Variants in ZNF469 observed in about 807,000 individuals in gnomAD.
ZNF469 encodes the protein zinc finger protein 469.
In ZNF469, 1 loss-of-function variant was observed where a neutral mutation model predicts 1.0. That is an observed-to-expected ratio of 1.00 (90% CI 0.35 to 4.73). The LOEUF (loss-of-function observed/expected upper bound fraction) is 4.73. Ranked by LOEUF, ZNF469 falls within the 30% of genes most tolerant of loss-of-function variation. The pLI is 0.16. For synonymous variants in ZNF469, 2,703 were observed against 2,363.4 expected (o/e 1.14, Z -4.17); for missense variants, 6,100 against 5,356.3 (o/e 1.14, Z -4.33).
the ZNF469 span, among the ~76,000 whole-genome samples, chr16:88,256,038 G>A: frequency 2.0e-5 from 3 of 152,320 alleles, no homozygotes; most frequent in East Asian, 1.9e-4. Context: ...ACTTTAAAAC[G>A]GTGGTACTTG....
chr16:88,117,572 A>G, the ZNF469 span, among the ~76,000 whole-genome samples: 16 of 17,694 alleles, frequency 9.0e-4, no homozygotes, highest in South Asian at 3.3e-3. Flanking sequence ...ACGTGCCTTC[A>G]CGGACCGTGG....
chr16:88,363,874 T>A, the ZNF469 span, among the ~76,000 whole-genome samples: 79 of 152,152 alleles, frequency 5.2e-4, no homozygotes, highest in African/African-American at 1.8e-3. Flanking sequence ...AGTTATTACC[T>A]GCATGCAGGC....
chr16:88,247,520 GT>G, the ZNF469 span, among the ~76,000 whole-genome samples: 2 of 139,070 alleles, frequency 1.4e-5, no homozygotes, highest in African/African-American at 2.4e-5. Context: ...GAGTGAGTGA[GT>G]GAATGAGTGA....
the ZNF469 span, among the ~76,000 whole-genome samples, chr16:88,345,457 C>T: frequency 8.3e-4 from 126 of 152,328 alleles, no homozygotes; most frequent in African/African-American, 1.6e-3. Context: ...TGGCTACACA[C>T]GCAAACGTTG....
the ZNF469 span, among the ~76,000 whole-genome samples, chr16:88,204,077 G>C: frequency 7.5e-6 from 1 of 134,008 alleles, no homozygotes; most frequent in South Asian, 2.8e-4. Flanking sequence ...GAGGTGCCCG[G>C]TAACCCCATA....
chr16:88,321,343 T>G, the ZNF469 span, among the ~76,000 whole-genome samples: 2 of 152,402 alleles, frequency 1.3e-5, no homozygotes, highest in African/African-American at 4.8e-5. Context: ...CGTAAGGCCT[T>G]GCCTGATTGG....
At chr16:88,166,329 A>G in the ZNF469 span, among the ~76,000 whole-genome samples, 5 of 152,234 alleles carry the variant, frequency 3.3e-5, no homozygotes, top group African/African-American at 1.2e-4. This position sits in a 1 kb window ranked among gnomAD's most constrained non-coding sequence, Gnocchi z 4.5. Flanking sequence ...GATCCATTTC[A>G]GAAAACAACT....
chr16:88,176,636 A>T, the ZNF469 span, among the ~76,000 whole-genome samples: 1 of 152,238 alleles, frequency 6.6e-6, no homozygotes, highest in Non-Finnish European at 1.5e-5. Flanking sequence ...TATGAAAAAA[A>T]AAATGAAGGT....
intron 1 of ZNF469, among the ~76,000 whole-genome samples, chr16:88,389,704 G>C (rs1221264592): frequency 1.3e-5 from 2 of 152,200 alleles, no homozygotes; most frequent in African/African-American, 2.4e-5. Context: ...CTGGGAATGG[G>C]GCCAGGATTC....
At chr16:88,357,900 G>A in the ZNF469 span, among the ~76,000 whole-genome samples, 4 of 152,234 alleles carry the variant, frequency 2.6e-5, no homozygotes, top group Admixed American at 2.6e-4. Context: ...AGGACGGAGC[G>A]GAAACAAGAA....
At chr16:88,364,276 T>G in the ZNF469 span, among the ~76,000 whole-genome samples, 584 of 152,312 alleles carry the variant, frequency 3.8e-3, 7 homozygotes, top group African/African-American at 0.013. Flanking sequence ...TGACTGCATA[T>G]GTACAGATTT....
At chr16:88,183,842 C>CT in the ZNF469 span, among the ~76,000 whole-genome samples, 1 of 152,188 alleles carries the variant, frequency 6.6e-6, no homozygotes. Flanking sequence ...GGAGACCCTG[C>CT]TGGGCCCACC....
At chr16:88,283,959 C>CGG in the ZNF469 span, among the ~76,000 whole-genome samples, 44 of 42,014 alleles carry the variant, frequency 1.0e-3, 3 homozygotes, top group African/African-American at 3.3e-3. Flanking sequence ...CCAGTGTGCC[C>CGG]AAGGTCTGTG....
At chr16:88,270,718 T>A in the ZNF469 span, among the ~76,000 whole-genome samples, 6 of 152,252 alleles carry the variant, frequency 3.9e-5, no homozygotes, top group Non-Finnish European at 1.5e-5. Flanking sequence ...GTTTTTCTCT[T>A]GGCTTTTGCC....
chr16:88,313,580 T>A, the ZNF469 span, among the ~76,000 whole-genome samples: 1 of 151,026 alleles, frequency 6.6e-6, no homozygotes, highest in South Asian at 2.1e-4. Flanking sequence ...ATTAAGACAA[T>A]GATGGTGTGG....
At chr16:88,220,735 G>T in the ZNF469 span, among the ~76,000 whole-genome samples, 15 of 152,156 alleles carry the variant, frequency 9.9e-5, no homozygotes, top group African/African-American at 3.6e-4. Flanking sequence ...TGGTTCCAGG[G>T]CCTGAGCTCT....
chr16:88,336,312 A>G, the ZNF469 span, among the ~76,000 whole-genome samples: 1 of 150,962 alleles, frequency 6.6e-6, no homozygotes. Flanking sequence ...ACACACATTC[A>G]TCCTTCACGT....
the ZNF469 span, among the ~76,000 whole-genome samples, chr16:88,210,552 T>C: frequency 6.6e-6 from 1 of 152,238 alleles, no homozygotes; most frequent in African/African-American, 2.4e-5. Flanking sequence ...ATTTGTATGG[T>C]TTAATTTTTT....
At chr16:88,309,739 C>CG in the ZNF469 span, among the ~76,000 whole-genome samples, 11 of 145,250 alleles carry the variant, frequency 7.6e-5, no homozygotes, top group East Asian at 2.1e-4. Context: ...GGACACCTGG[C>CG]GGGGGGGTGC....
Sources: allele counts gnomAD v4.1 joint callset (sites outside exome capture counted in the v4.1 genomes callset), GRCh38; gene constraint gnomAD v4.1.1; non-coding constraint Gnocchi (gnomAD v3.1); transcripts MANE v1.5; gene names NCBI Gene and HGNC (gene_info 2026-07-23, HGNC 2026-07-21).